KLHL12: variants seen among roughly 807,000 people sequenced by gnomAD.
The protein encoded by KLHL12 is kelch like family member 12.
Under a neutral mutation model 60.8 loss-of-function variants are expected in KLHL12, and 17 were observed. The observed-to-expected ratio is 0.28, with a 90% CI of 0.19 to 0.42. The LOEUF is 0.42. KLHL12 is among the 10% of genes least tolerant of loss of function. The probability of loss-of-function intolerance (pLI) is 1.00; values close to 1 mark genes in which losing one functional copy is unlikely to be tolerated. For missense variants in KLHL12, 468 were observed against 722.3 expected, an observed-to-expected ratio of 0.65 and a Z score of 4.04; for synonymous variants, 220 against 250.9, an observed-to-expected ratio of 0.88 and a Z score of 1.16.
intron 5 of KLHL12, among the ~76,000 whole-genome samples, chr1:202,910,429 GAA>G (rs1378246484): frequency 6.6e-6 from 1 of 152,210 alleles, no homozygotes; most frequent in Non-Finnish European, 1.5e-5. Flanking sequence ...GTGAACAACT[GAA>G]AAACTGTTTG....
At chr1:202,927,292 C>G (rs1480286976), upstream of KLHL12, 14 of 984,952 alleles carry the variant, frequency 1.4e-5, no homozygotes, top group African/African-American at 1.7e-5. Context: ...GCCCTCCCCC[C>G]GCTCCAGAGT....
intron 4 of KLHL12, among the ~76,000 whole-genome samples, chr1:202,913,286 CAG>C (rs1389115835): frequency 6.6e-6 from 1 of 152,190 alleles, no homozygotes; most frequent in Non-Finnish European, 1.5e-5. Context: ...TTCCCAAAGA[CAG>C]ACACCTGAAT....
rs928220058 is a variant in KLHL12 at position 202,895,160 on chromosome 1, G to A, written c.1135+362C>T. ...TAATCCCAGCACCTTGGGAGGCCGA[G>A]GTGGGTCAATCACTTGAGCTCAGGA... On this transcript the variant is annotated intron_variant, in intron 8 of 11. Transcript: ENST00000367261. This position sits in a 1 kb window ranked among gnomAD's most constrained non-coding sequence, Gnocchi z 4.2. 1.6e-4 allele frequency among the ~76,000 whole-genome samples: 25 copies of A among 152,212 alleles called. No individual in the cohort carries two copies. The highest frequency in any genetic ancestry group is 1.5e-3 in the Admixed American group (23 of 15,286).
At chr1:202,906,952 G>A (rs1048815827) in intron 6 of KLHL12, among the ~76,000 whole-genome samples, 5 of 152,160 alleles carry the variant, frequency 3.3e-5, no homozygotes, top group East Asian at 3.9e-4. Context: ...GTGAGACACC[G>A]TGCCCGGCCT....
intron 1 of KLHL12, 31 bp downstream of exon 1, chr1:202,927,058 G>A: frequency 1.0e-6 from 1 of 985,238 alleles, no homozygotes; most frequent in Non-Finnish European, 1.2e-6. Context: ...GGAAGGGAAG[G>A]GCTGACTGCC....
Position 202,925,764 on chromosome 1 carries a change from C to T in KLHL12, c.-45-557G>A, listed in dbSNP as rs367673080. On this transcript the variant is annotated intron_variant, in intron 1 of 11. Coordinates refer to ENST00000367261, the MANE Select transcript of KLHL12 (RefSeq NM_021633.4). ...ATAAACTTTTTTCTAAAGAAGTATC[C>T]AAATGATATGTCTGATGACTTCCAA... 1.4e-3 allele frequency among the ~76,000 whole-genome samples: 212 copies of T among 152,094 alleles called. 1 individual carries two copies. Among genetic ancestry groups the T allele is most frequent in the African/African-American group, 4.7e-3 (195 of 41,482 alleles).
Position 202,892,668 on chromosome 1 carries a change from G to T in KLHL12, c.1581-9C>A. ...GGGAATTACCATCATATCTGAGTGG[G>T]AAAGAAGCAAAAGAAAGAAATGAGT... is the stretch of plus-strand genomic sequence containing the variant. On this transcript the variant is annotated splice_polypyrimidine_tract_variant and intron_variant, in intron 11 of 11. Transcript: ENST00000367261. 1.2e-6 allele frequency: 2 copies of T among 1,612,660 alleles called. No homozygotes were observed. The highest frequency in any genetic ancestry group is 8.5e-7 in the Non-Finnish European group (1 of 1,178,896).
intron 6 of KLHL12, among the ~76,000 whole-genome samples, chr1:202,904,081 C>T (rs541232203): frequency 2.0e-5 from 3 of 152,144 alleles, no homozygotes; most frequent in African/African-American, 4.8e-5. Context: ...TGCAATGGCA[C>T]GATCTTGGTT....
chr1:202,923,006 C>T (rs1225094136), intron 2 of KLHL12, among the ~76,000 whole-genome samples: 2 of 152,112 alleles, frequency 1.3e-5, no homozygotes, highest in African/African-American at 2.4e-5. Context: ...ACAGATCAAC[C>T]CAGTGAAGTT....
intron 2 of KLHL12, 123 bp downstream of exon 2, chr1:202,924,845 A>C: frequency 8.6e-7 from 1 of 1,166,630 alleles, no homozygotes; most frequent in Non-Finnish European, 1.2e-6. Context: ...CTTATCCAGA[A>C]TCTGCCAAAA....
In KLHL12 at chr1:202,912,663, C is replaced by T; in HGVS notation, c.568-1460G>A. The T allele has an allele frequency of 5.4e-6, 7 of 1,297,150 alleles. No homozygotes were observed. In the Admixed American group the frequency reaches 6.7e-5, roughly 12 times the overall value. The allele number at this position is 1,297,150 out of a possible 1,614,324, so 80.4% of individuals were successfully genotyped here. A position where few individuals can be genotyped will look rare whatever the true frequency, so the allele number is the denominator to read the frequency against. ...CGGTGGAGGCCAATACTCTGCCAAA[C>T]CACGAAACCAAGGTGGCTATGGTGG... On this transcript the variant is annotated intron_variant, in intron 4 of 11. Coordinates refer to ENST00000367261, the MANE Select transcript of KLHL12 (RefSeq NM_021633.4).
chr1:202,904,876 T>A (rs1660135142), intron 6 of KLHL12, among the ~76,000 whole-genome samples: 3 of 152,230 alleles, frequency 2.0e-5, no homozygotes, highest in African/African-American at 7.2e-5. Context: ...TTCCATTATA[T>A]CTTCTTTGAG....
At chr1:202,919,277 G>T (rs1239585641) in intron 3 of KLHL12, among the ~76,000 whole-genome samples, 1 of 151,910 alleles carries the variant, frequency 6.6e-6, no homozygotes, top group Non-Finnish European at 1.5e-5. Flanking sequence ...AAAAAACCTG[G>T]GAATTGTAAG....
chr1:202,923,842 T>G (rs2102461099), intron 2 of KLHL12, among the ~76,000 whole-genome samples: 1 of 140,100 alleles, frequency 7.1e-6, no homozygotes, highest in Admixed American at 7.7e-5. Flanking sequence ...ATATCTACAC[T>G]AAGATGATAG....
At position 202,905,040 on chromosome 1, in the gene KLHL12, T is replaced by C. The variant is rs140690900; in HGVS notation, c.832+3970A>G. Among the ~76,000 whole-genome samples the C allele has an allele frequency of 2.3e-3, 355 of 152,292 alleles. 1 individual carries two copies. The highest frequency in any genetic ancestry group is 8.3e-3 in the African/African-American group (343 of 41,562). On this transcript the variant is annotated intron_variant, in intron 6 of 11. Coordinates refer to ENST00000367261, the MANE Select transcript of KLHL12 (RefSeq NM_021633.4). ...TATGCATAGAGATGGGTAGAGGACA[T>C]GATGGTAAGAACAATCTACCTGCTA...
At chr1:202,922,828 G>C (rs113569535) in intron 2 of KLHL12, among the ~76,000 whole-genome samples, 14 of 151,870 alleles carry the variant, frequency 9.2e-5, no homozygotes, top group African/African-American at 3.1e-4. Context: ...GTAAGAGACA[G>C]ATATCATTCT....
chr1:202,922,323 T>G lies in KLHL12; in HGVS notation c.196-2415A>C, dbSNP rs536932849. ...TGGCTCAAGCCTGTAATCCCAGCACTTTGGGAGGCCGAGGTGGGTGGATCA... is the reference window on the plus strand; with the variant it reads ...TGGCTCAAGCCTGTAATCCCAGCACGTTGGGAGGCCGAGGTGGGTGGATCA... On this transcript the variant is annotated intron_variant, in intron 2 of 11. Transcript: ENST00000367261. 1.5e-3 allele frequency among the ~76,000 whole-genome samples: 228 copies of G among 151,910 alleles called. 1 individual carries two copies. Among genetic ancestry groups the G allele is most frequent in the Non-Finnish European group, 1.8e-3 (121 of 67,960 alleles).
At chr1:202,913,936 AC>A (rs1660441090) in intron 4 of KLHL12, among the ~76,000 whole-genome samples, 1 of 152,236 alleles carries the variant, frequency 6.6e-6, no homozygotes, top group South Asian at 2.1e-4. Context: ...GCGGGAGCAA[AC>A]CAGACACTAT....
At chr1:202,924,883 A>T in intron 2 of KLHL12, 85 bp downstream of exon 2, 1 of 1,494,578 alleles carries the variant, frequency 6.7e-7, no homozygotes, top group Non-Finnish European at 9.0e-7. Context: ...TCAAAATTAT[A>T]TCAAACTTCC....
Sources: allele counts gnomAD v4.1 joint callset (sites outside exome capture counted in the v4.1 genomes callset), GRCh38; gene constraint gnomAD v4.1.1; non-coding constraint Gnocchi (gnomAD v3.1); transcripts MANE v1.5; gene names NCBI Gene and HGNC (gene_info 2026-07-23, HGNC 2026-07-21).